Variants in ADIPOQ observed in about 807,000 individuals in gnomAD.
The protein encoded by ADIPOQ is adiponectin, C1Q and collagen domain containing, also known as adiponectin.
Under a neutral mutation model 16.1 loss-of-function variants are expected in ADIPOQ, and 19 were observed. The observed-to-expected ratio is 1.18, with a 90% CI of 0.82 to 1.73. The LOEUF (loss-of-function observed/expected upper bound fraction) is 1.73. ADIPOQ is among the 40% of genes most tolerant of loss of function. The pLI is 0.00. For missense variants in ADIPOQ, 323 were observed against 308.3 expected (o/e 1.05, Z -0.36); for synonymous variants, 124 against 125.5 (o/e 0.99, Z 0.08).
chr3:186,851,388 A>G (rs1226601318), intron 1 of ADIPOQ, among the ~76,000 whole-genome samples: 4 of 151,938 alleles, frequency 2.6e-5, no homozygotes, highest in Non-Finnish European at 5.9e-5. Flanking sequence ...GAAGACTAAG[A>G]CCTCAGCAAT....
At chr3:186,853,683 C>T (rs1317496689) in intron 2 of ADIPOQ, 1 of 243,372 alleles carries the variant, frequency 4.1e-6, no homozygotes, top group Non-Finnish European at 8.0e-6. Context: ...GTGCAAGGCT[C>T]TGTTGGTGGT....
rs1711926254 is a variant in ADIPOQ at position 186,854,636 on chromosome 3, G to A, written c.667G>A (p.Gly223Arg). The part of the protein sequence containing the change: ...LQVYGEGERN[G>R]LYADNDNDST... ...GGTGTATGGGGAAGGAGAGCGTAAT[G>A]GACTCTATGCTGATAATGACAATGA... is the stretch of plus-strand genomic sequence containing the variant. Residue 223 changes from glycine (G) to arginine (R), a missense_variant, in exon 3 of 3, where the codon GGA becomes AGA. Transcript: ENST00000320741. 1.2e-6 allele frequency: 2 copies of A among 1,614,146 alleles called. No individual in the cohort carries two copies. Among genetic ancestry groups the A allele is most frequent in the Non-Finnish European group, 1.7e-6 (2 of 1,180,028 alleles).
intron 1 of ADIPOQ, among the ~76,000 whole-genome samples, chr3:186,848,188 A>T (rs1246280566): frequency 6.1e-5 from 1 of 16,508 alleles, no homozygotes; most frequent in African/African-American, 1.1e-4. Flanking sequence ...CAAAAAAAAA[A>T]GAGAGAGAGA....
intron 1 of ADIPOQ, among the ~76,000 whole-genome samples, chr3:186,845,164 G>A (rs1367058015): frequency 6.6e-6 from 1 of 151,730 alleles, no homozygotes; most frequent in East Asian, 1.9e-4. Context: ...GGGTGTGCGC[G>A]TGCATAGGTG....
Position 186,856,182 on chromosome 3 carries a change from G to T in ADIPOQ, c.*1478G>T, listed in dbSNP as rs1711994949. On this transcript the variant is annotated 3_prime_UTR_variant, in exon 3 of 3. Transcript: ENST00000320741. ...CTCCTTGAGTACCAACAGGGTCAGG[G>T]AAGACTGGGCCTCCTGAATTTATTA... The T allele has an allele frequency of 6.6e-6, 1 of 152,180 alleles. No individual in the cohort carries two copies. The highest frequency in any genetic ancestry group is 1.5e-5 in the Non-Finnish European group (1 of 68,040). 9.4% of individuals were successfully genotyped at this position (152,180 alleles called of 1,614,324 possible).
At chr3:186,853,763 A>G (rs1333720026) in intron 2 of ADIPOQ, 3 of 222,068 alleles carry the variant, frequency 1.4e-5, no homozygotes, top group Non-Finnish European at 2.7e-5. Context: ...TGGAGCATAG[A>G]GAAAATATAC....
In ADIPOQ at chr3:186,853,050, G is replaced by C. The variant is rs200544481; in HGVS notation, c.-8-1G>C. 6.2e-7 allele frequency: 1 copy of C among 1,614,210 alleles called. No individual in the cohort carries two copies. Among genetic ancestry groups the C allele is most frequent in the Non-Finnish European group, 8.5e-7 (1 of 1,180,028 alleles). The stretch of plus-strand genomic sequence containing the variant: ...GCTGACAGTGCACATGTGGATTCCA[G>C]GGCTCAGGATGCTGTTGCTGGGAGC... On this transcript the variant is annotated splice_acceptor_variant, in intron 1 of 2. Coordinates refer to ENST00000320741, the MANE Select transcript of ADIPOQ (RefSeq NM_004797.4). LOFTEE classifies it low-confidence loss of function (5UTR_SPLICE).
rs1712062767 is a variant in ADIPOQ at position 186,857,793 on chromosome 3, T to C, written c.*3089T>C. On this transcript the variant is annotated 3_prime_UTR_variant, in exon 3 of 3. Transcript: ENST00000320741. ...TTTAGTATTATGTCTTATTGGTGCA[T>C]TTACTCTCTTATCATTATGTAATGT... 1 of 152,210 alleles carries C rather than the reference T, an allele frequency of 6.6e-6. No homozygotes were observed. Among genetic ancestry groups the C allele is most frequent in the Non-Finnish European group, 1.5e-5 (1 of 68,030 alleles). 9.4% of individuals were successfully genotyped at this position (152,210 alleles called of 1,614,324 possible).
chr3:186,846,273 T>C (rs1579203747), intron 1 of ADIPOQ, among the ~76,000 whole-genome samples: 1 of 150,594 alleles, frequency 6.6e-6, no homozygotes, highest in South Asian at 2.1e-4. Context: ...TGAGACAGAG[T>C]CTTGCTCTGT....
rs1712065848 is a variant in ADIPOQ at position 186,857,874 on chromosome 3, A to G, written c.*3170A>G. The stretch of plus-strand genomic sequence containing the variant: ...CTGAAGTCTACTTTGTCTAAAAATA[A>G]CATACGCACTCAACTTCCTTTTCTT... On this transcript the variant is annotated 3_prime_UTR_variant, in exon 3 of 3. Coordinates refer to ENST00000320741, the MANE Select transcript of ADIPOQ (RefSeq NM_004797.4). The G allele has an allele frequency of 6.6e-6, 1 of 151,950 alleles. No individual in the cohort carries two copies. Among genetic ancestry groups the G allele is most frequent in the South Asian group, 2.1e-4 (1 of 4,820 alleles). 9.4% of individuals were successfully genotyped at this position (151,950 alleles called of 1,614,324 possible).
intron 1 of ADIPOQ, among the ~76,000 whole-genome samples, chr3:186,847,569 T>C (rs1300793558): frequency 6.6e-6 from 1 of 151,378 alleles, no homozygotes; most frequent in Non-Finnish European, 1.5e-5. Flanking sequence ...TACTACCTCA[T>C]TTTTTTTTAT....
At chr3:186,852,658 A>G (rs112690955) in intron 1 of ADIPOQ, 6 of 207,860 alleles carry the variant, frequency 2.9e-5, no homozygotes, top group African/African-American at 1.2e-4. Flanking sequence ...GAAGCTGGTT[A>G]GCATTGAATG....
In ADIPOQ at chr3:186,854,368, C is replaced by T; in HGVS notation, c.399C>T (p.Thr133=). The change falls in exon 3 of 3, where the codon ACC becomes ACT. Residue 133 remains threonine (T), a synonymous_variant. Transcript: ENST00000320741. The part of the protein sequence containing the change: ...VTIPNMPIRF[T]KIFYNQQNHY... ...TCCCCAACATGCCCATTCGCTTTAC[C>T]AAGATCTTCTACAATCAGCAAAACC... 6.2e-7 allele frequency: 1 copy of T among 1,614,170 alleles called. No homozygotes were observed. The highest frequency in any genetic ancestry group is 8.5e-7 in the Non-Finnish European group (1 of 1,180,024).
chr3:186,842,823 T>TC (rs945760746), intron 1 of ADIPOQ, 74 bp downstream of exon 1: 2 of 152,356 alleles, frequency 1.3e-5, no homozygotes, highest in African/African-American at 4.8e-5. Context: ...TCACCCAGGC[T>TC]CTCCCGTCCG....
At chr3:186,847,791 C>G (rs1711617446) in intron 1 of ADIPOQ, among the ~76,000 whole-genome samples, 1 of 152,146 alleles carries the variant, frequency 6.6e-6, no homozygotes, top group Admixed American at 6.5e-5. Flanking sequence ...GCTTGTTGAT[C>G]CTTGTAAAAG....
Position 186,857,575 on chromosome 3 carries a change from T to C in ADIPOQ, c.*2871T>C, listed in dbSNP as rs1712053462. On this transcript the variant is annotated 3_prime_UTR_variant, in exon 3 of 3. Transcript: ENST00000320741. ...CCCTAAACTCTCTGGGGCAGGGTTA[T>C]TCCTTTGTGGAACCAGAGGCACAGA... 6.6e-6 allele frequency: 1 copy of C among 152,322 alleles called. No individual in the cohort carries two copies. The highest frequency in any genetic ancestry group is 2.4e-5 in the African/African-American group (1 of 41,562). The allele number at this position is 152,322 out of a possible 1,614,324, so 9.4% of individuals were successfully genotyped here.
chr3:186,844,019 A>G (rs1336066657), intron 1 of ADIPOQ, among the ~76,000 whole-genome samples: 1 of 152,222 alleles, frequency 6.6e-6, no homozygotes, highest in Non-Finnish European at 1.5e-5. Flanking sequence ...GAACTCCGCT[A>G]GAAGGAAGGC....
chr3:186,857,086 C>T lies in ADIPOQ; in HGVS notation c.*2382C>T, dbSNP rs200794063. 2 of 152,322 alleles carry T rather than the reference C, an allele frequency of 1.3e-5. No homozygotes were observed. Among genetic ancestry groups the T allele is most frequent in the African/African-American group, 4.8e-5 (2 of 41,564 alleles). The allele number at this position is 152,322 out of a possible 1,614,324, so 9.4% of individuals were successfully genotyped here. A position where few individuals can be genotyped will look rare whatever the true frequency, so the allele number is the denominator to read the frequency against. The stretch of plus-strand genomic sequence containing the variant: ...TGTGGCCTGCCCAGCTCTCGTATCC[C>T]CAAGCCACACCATCTGGCTAAATGG... On this transcript the variant is annotated 3_prime_UTR_variant, in exon 3 of 3. Transcript: ENST00000320741.
chr3:186,852,092 A>G (rs1392955727), intron 1 of ADIPOQ: 1 of 152,440 alleles, frequency 6.6e-6, no homozygotes, highest in Admixed American at 6.5e-5. Context: ...AGATCTTGTG[A>G]GAATTCACCT....
Sources: gnomAD v4.1 joint callset for allele counts (sites outside exome capture counted in the v4.1 genomes callset) on GRCh38, gnomAD v4.1.1 for gene constraint, MANE v1.5 for transcripts, NCBI Gene and HGNC (gene_info 2026-07-23, HGNC 2026-07-21) for gene names.